The following SNTG1 variants were observed in gnomAD, a reference collection of about 807,000 sequenced individuals.
The protein encoded by SNTG1 is syntrophin gamma 1, also known as gamma-1-syntrophin.
SNTG1 carries 39 observed loss-of-function variants against 74.7 expected under a neutral mutation model. The observed-to-expected ratio is 0.52, with a 90% CI of 0.40 to 0.68. The LOEUF is 0.68. Among genes scored for constraint, SNTG1 ranks in the 30% least tolerant of loss-of-function variants. The probability of loss-of-function intolerance (pLI) is 0.00; values close to 1 mark genes in which losing one functional copy is unlikely to be tolerated. For missense variants in SNTG1, 685 were observed against 609.5 expected (o/e 1.12, Z -1.30); for synonymous variants, 254 against 217.1 (o/e 1.17, Z -1.49).
At chr8:50,700,121 G>T (rs1044655602) in intron 15 of SNTG1, among the ~76,000 whole-genome samples, 6 of 152,140 alleles carry the variant, frequency 3.9e-5, no homozygotes, top group African/African-American at 1.2e-4. Context: ...ATGAGGGTGA[G>T]AAAGAGGAAT....
At chr8:50,527,139 C>T (rs1399521332) in intron 9 of SNTG1, among the ~76,000 whole-genome samples, 1 of 152,022 alleles carries the variant, frequency 6.6e-6, no homozygotes, top group African/African-American at 2.4e-5. Context: ...ATGTGCATAT[C>T]TTCTTTTGGA....
At chr8:50,778,390 C>T (rs1213470552) in intron 18 of SNTG1, among the ~76,000 whole-genome samples, 2 of 151,956 alleles carry the variant, frequency 1.3e-5, no homozygotes, top group South Asian at 2.1e-4. Flanking sequence ...TTAATGATTG[C>T]CATTCTAACT....
At chr8:50,585,359 C>T (rs2094641234) in intron 12 of SNTG1, among the ~76,000 whole-genome samples, 2 of 152,128 alleles carry the variant, frequency 1.3e-5, no homozygotes, top group African/African-American at 4.8e-5. Context: ...CCAAAAGCAG[C>T]CGGTTTTGTG....
intron 1 of SNTG1, among the ~76,000 whole-genome samples, chr8:50,096,268 C>T (rs1046939076): frequency 1.3e-5 from 2 of 151,886 alleles, no homozygotes; most frequent in Non-Finnish European, 2.9e-5. Flanking sequence ...TAAACAATAA[C>T]GTAATACAAT....
chr8:50,780,167 T>C (rs1295753849), intron 18 of SNTG1, among the ~76,000 whole-genome samples: 1 of 152,186 alleles, frequency 6.6e-6, no homozygotes, highest in Non-Finnish European at 1.5e-5. Context: ...AAATTCTCTT[T>C]TTTGGTTATG....
chr8:50,506,182 A>G (rs1277490391), intron 9 of SNTG1, among the ~76,000 whole-genome samples: 1 of 152,042 alleles, frequency 6.6e-6, no homozygotes, highest in Non-Finnish European at 1.5e-5. Flanking sequence ...TAATTTTGGG[A>G]TTATTCCGTT....
chr8:50,272,244 T>C (rs1215641834), intron 2 of SNTG1, among the ~76,000 whole-genome samples: 3 of 152,250 alleles, frequency 2.0e-5, no homozygotes, highest in African/African-American at 7.2e-5. Context: ...TAGTCTGCAT[T>C]GTATTTCCAA....
chr8:50,618,372 T>C (rs1284153865), intron 13 of SNTG1, among the ~76,000 whole-genome samples: 1 of 152,230 alleles, frequency 6.6e-6, no homozygotes, highest in Non-Finnish European at 1.5e-5. Flanking sequence ...ATAATCACTA[T>C]TTTGGTATCT....
intron 2 of SNTG1, among the ~76,000 whole-genome samples, chr8:50,276,019 A>G (rs1469514068): frequency 6.6e-6 from 1 of 152,140 alleles, no homozygotes; most frequent in African/African-American, 2.4e-5. Flanking sequence ...TGTCTATTTT[A>G]TTTTTTAACT....
intron 2 of SNTG1, among the ~76,000 whole-genome samples, chr8:50,350,947 C>A (rs1437817674): frequency 6.6e-6 from 1 of 152,194 alleles, no homozygotes; most frequent in East Asian, 1.9e-4. Context: ...CCCTTGGAGG[C>A]TGTGGAAGCT....
chr8:50,654,165 C>T (rs1317166652), intron 13 of SNTG1, among the ~76,000 whole-genome samples: 1 of 152,062 alleles, frequency 6.6e-6, no homozygotes, highest in Non-Finnish European at 1.5e-5. Context: ...TTCAATATAT[C>T]TTCTGTTCAT....
At chr8:50,622,614 A>G (rs1197670450) in intron 13 of SNTG1, among the ~76,000 whole-genome samples, 1 of 152,126 alleles carries the variant, frequency 6.6e-6, no homozygotes, top group Non-Finnish European at 1.5e-5. Context: ...TACCAATGAC[A>G]TTTCCATATT....
At chr8:50,425,534 A>AGT (rs560589400) in intron 4 of SNTG1, among the ~76,000 whole-genome samples, 256 of 152,228 alleles carry the variant, frequency 1.7e-3, no homozygotes, top group Admixed American at 5.4e-3. Context: ...TGAGTTGTAT[A>AGT]ATTATCTCAT....
chr8:50,100,738 C>A (rs1204104119), intron 1 of SNTG1, among the ~76,000 whole-genome samples: 1 of 151,840 alleles, frequency 6.6e-6, no homozygotes, highest in Non-Finnish European at 1.5e-5. Context: ...GTCATATTTC[C>A]ATTTTCAGGT....
At chr8:50,176,609 GT>G (rs1307453296) in intron 2 of SNTG1, among the ~76,000 whole-genome samples, 3 of 152,134 alleles carry the variant, frequency 2.0e-5, no homozygotes, top group Non-Finnish European at 4.4e-5. Flanking sequence ...ACTTGCATTT[GT>G]TTGCTTGTTT....
chr8:50,700,386 A>G (rs920857949), intron 15 of SNTG1, among the ~76,000 whole-genome samples: 5 of 152,166 alleles, frequency 3.3e-5, no homozygotes, highest in African/African-American at 1.2e-4. Context: ...GATTATGTTG[A>G]AAGTAGATCT....
intron 9 of SNTG1, among the ~76,000 whole-genome samples, chr8:50,525,490 A>C (rs528841727): frequency 6.6e-6 from 1 of 151,868 alleles, no homozygotes; most frequent in African/African-American, 2.4e-5. Flanking sequence ...CTTTTTTCGG[A>C]CTTCTATAAA....
intron 2 of SNTG1, among the ~76,000 whole-genome samples, chr8:50,180,749 CCTTTTTT>C (rs2083172989): frequency 8.0e-6 from 1 of 125,084 alleles, no homozygotes; most frequent in South Asian, 2.6e-4. Flanking sequence ...GATTGTGAAG[CCTTTTTT>C]TTTTTTTTTT....
intron 1 of SNTG1, among the ~76,000 whole-genome samples, chr8:50,116,003 A>G (rs931383417): frequency 1.3e-5 from 2 of 152,086 alleles, no homozygotes; most frequent in African/African-American, 4.8e-5. Context: ...AGCATCATAC[A>G]CACAGTCACA....
Sources: gnomAD v4.1 joint callset for allele counts (sites outside exome capture counted in the v4.1 genomes callset) on GRCh38, gnomAD v4.1.1 for gene constraint, MANE v1.5 for transcripts, NCBI Gene and HGNC (gene_info 2026-07-23, HGNC 2026-07-21) for gene names.